Variants in ADGRV1 observed in about 807,000 individuals in gnomAD.
ADGRV1 encodes G-protein coupled receptor 98.
Under a neutral mutation model 596.2 loss-of-function variants are expected in ADGRV1, and 359 were observed. The ratio of observed to expected loss-of-function variants is 0.60; its 90% confidence interval spans 0.55 to 0.66. The LOEUF is 0.66. Ranked by LOEUF, ADGRV1 falls within the 30% of genes least tolerant of loss-of-function variation. ADGRV1 has a pLI of 0.00. For missense variants in ADGRV1, 7,274 were observed against 7,575.6 expected (o/e 0.96, Z 1.48); for synonymous variants, 2,681 against 2,679.2 (o/e 1.00, Z -0.02).
At chr5:90,936,687 G>T (rs1209255500) in intron 83 of ADGRV1, among the ~76,000 whole-genome samples, 1 of 151,836 alleles carries the variant, frequency 6.6e-6, no homozygotes, top group African/African-American at 2.4e-5. Flanking sequence ...TTACCTTTAA[G>T]TATCACCGTA....
chr5:91,163,428 C>T (rs1797117296), intron 89 of ADGRV1, among the ~76,000 whole-genome samples: 1 of 152,148 alleles, frequency 6.6e-6, no homozygotes, highest in Non-Finnish European at 1.5e-5. Flanking sequence ...TCCTACCCCA[C>T]TGGTGAAAAA....
At chr5:90,583,756 T>C (rs1025457115) in intron 1 of ADGRV1, among the ~76,000 whole-genome samples, 3 of 152,166 alleles carry the variant, frequency 2.0e-5, no homozygotes, top group African/African-American at 7.2e-5. Context: ...AATCACTAGG[T>C]GTAAGGGCTT....
intron 87 of ADGRV1, among the ~76,000 whole-genome samples, chr5:91,136,937 G>A (rs1794684979): frequency 6.6e-6 from 1 of 152,182 alleles, no homozygotes; most frequent in South Asian, 2.1e-4. Context: ...TCCTTTAGAA[G>A]TAGAAATAAT....
chr5:91,153,137 G>C, intron 88 of ADGRV1, 84 bp from the exon 89 acceptor site: 1 of 1,128,786 alleles, frequency 8.9e-7, no homozygotes, highest in Non-Finnish European at 1.3e-6. Context: ...GAGAGGCAGA[G>C]ATCAATTGTC....
At chr5:91,022,769 T>C (rs1783744419) in intron 85 of ADGRV1, among the ~76,000 whole-genome samples, 1 of 152,088 alleles carries the variant, frequency 6.6e-6, no homozygotes. Flanking sequence ...ACAGATAAGC[T>C]TGATTACTTG....
intron 1 of ADGRV1, among the ~76,000 whole-genome samples, chr5:90,603,989 C>T (rs1454508868): frequency 6.6e-6 from 1 of 150,524 alleles, no homozygotes. Context: ...TAAGAAATTT[C>T]TTACTTTCCT....
rs563477389 is a variant in ADGRV1, at chr5:90,593,995, TA to T, written c.23-20839del. On this transcript the variant is annotated intron_variant, in intron 1 of 89. Coordinates refer to ENST00000405460, the MANE Select transcript of ADGRV1 (RefSeq NM_032119.4). ...TGCAAAAACATTACTACAATAAAAA[TA>T]GTGAACATTTTTATAATCCACCCCT... Among the ~76,000 whole-genome samples, 404 of 152,260 alleles carry T rather than the reference TA, an allele frequency of 2.7e-3. 5 individuals carry two copies. The South Asian group carries it at 0.034, about 13-fold the overall frequency.
chr5:90,956,485 GAT>G (rs1424542920), intron 83 of ADGRV1, among the ~76,000 whole-genome samples: 7 of 152,134 alleles, frequency 4.6e-5, no homozygotes, highest in African/African-American at 1.7e-4. Flanking sequence ...GTTCACTCCA[GAT>G]ATAGAGACTG....
chr5:90,987,338 C>T (rs1263121810), intron 85 of ADGRV1, among the ~76,000 whole-genome samples: 1 of 151,914 alleles, frequency 6.6e-6, no homozygotes, highest in South Asian at 2.1e-4. Flanking sequence ...GGCGTGGTGG[C>T]GCATGCCTGT....
chr5:91,122,425 C>T (rs1793404414), intron 87 of ADGRV1, among the ~76,000 whole-genome samples: 1 of 152,208 alleles, frequency 6.6e-6, no homozygotes, highest in Non-Finnish European at 1.5e-5. Flanking sequence ...TACTTGTATA[C>T]ACACAAACAC....
chr5:90,584,356 C>T (rs1758467730), intron 1 of ADGRV1, among the ~76,000 whole-genome samples: 1 of 152,166 alleles, frequency 6.6e-6, no homozygotes, highest in South Asian at 2.1e-4. Flanking sequence ...CAAGCTTCAG[C>T]CCCTAAGCAT....
At chr5:90,889,450 A>G (rs1192788761) in intron 83 of ADGRV1, among the ~76,000 whole-genome samples, 1 of 152,082 alleles carries the variant, frequency 6.6e-6, no homozygotes, top group Non-Finnish European at 1.5e-5. Context: ...TTCCTTGTAC[A>G]GACCATTGTT....
chr5:91,116,983 A>G (rs1284897064), intron 87 of ADGRV1, among the ~76,000 whole-genome samples: 1 of 152,228 alleles, frequency 6.6e-6, no homozygotes, highest in Non-Finnish European at 1.5e-5. Context: ...GCAGAGGAGT[A>G]CTATGCAGAG....
At chr5:90,634,140 A>T (rs1321012655) in intron 9 of ADGRV1, among the ~76,000 whole-genome samples, 1 of 152,170 alleles carries the variant, frequency 6.6e-6, no homozygotes, top group Non-Finnish European at 1.5e-5. Flanking sequence ...CAGTCCTGTG[A>T]CGATTACCTA....
intron 85 of ADGRV1, among the ~76,000 whole-genome samples, chr5:90,998,081 T>C (rs1366601299): frequency 2.0e-5 from 3 of 152,198 alleles, no homozygotes; most frequent in African/African-American, 7.2e-5. Context: ...GAAAGTATTA[T>C]TTACATCATT....
At chr5:90,594,714 A>T (rs28592099) in intron 1 of ADGRV1, among the ~76,000 whole-genome samples, 8,615 of 146,990 alleles carry the variant, frequency 0.059, 880 homozygotes, top group African/African-American at 0.22. Context: ...TTCAAGCATC[A>T]GTTTAACAAA....
chr5:90,992,370 C>T (rs1781043529), intron 85 of ADGRV1, among the ~76,000 whole-genome samples: 1 of 152,202 alleles, frequency 6.6e-6, no homozygotes, highest in Non-Finnish European at 1.5e-5. Flanking sequence ...CTCCAAACCA[C>T]AACCTTAGCT....
At chr5:90,903,632 T>C (rs939960823) in intron 83 of ADGRV1, among the ~76,000 whole-genome samples, 8 of 151,968 alleles carry the variant, frequency 5.3e-5, no homozygotes, top group African/African-American at 1.9e-4. Context: ...TTATTTTTAA[T>C]TTTTGTGGGT....
intron 86 of ADGRV1, among the ~76,000 whole-genome samples, chr5:91,099,486 G>A (rs913273109): frequency 2.6e-5 from 4 of 152,224 alleles, no homozygotes; most frequent in African/African-American, 9.6e-5. Context: ...GGGGTGCAGT[G>A]CTGCCCAGCT....
Sources: gnomAD v4.1 joint callset for allele counts (sites outside exome capture counted in the v4.1 genomes callset) on GRCh38, gnomAD v4.1.1 for gene constraint, MANE v1.5 for transcripts, NCBI Gene and HGNC (gene_info 2026-07-23, HGNC 2026-07-21) for gene names.